MACROD1: variants seen among roughly 807,000 people sequenced by gnomAD.
MACROD1 encodes the protein mono-ADP ribosylhydrolase 1.
Under a neutral mutation model 41.4 loss-of-function variants are expected in MACROD1, and 31 were observed. The ratio of observed to expected loss-of-function variants is 0.75; its 90% CI spans 0.56 to 1.01. The LOEUF is 1.01. Among genes scored for constraint, MACROD1 ranks in the 50% least tolerant of loss-of-function variants. MACROD1 has a pLI of 0.00. For synonymous variants in MACROD1, 252 were observed against 203.4 expected, an observed-to-expected ratio of 1.24 and a Z score of -2.03; for missense variants, 473 against 460.0, an observed-to-expected ratio of 1.03 and a Z score of -0.26.
chr11:64,006,007 T>C (rs1942904826), intron 4 of MACROD1, among the ~76,000 whole-genome samples: 1 of 152,158 alleles, frequency 6.6e-6, no homozygotes, highest in African/African-American at 2.4e-5. Context: ...GGTTTCCCTC[T>C]CTGGAGGAGG....
At chr11:64,035,613 G>A (rs1943358949) in intron 3 of MACROD1, among the ~76,000 whole-genome samples, 4 of 128,998 alleles carry the variant, frequency 3.1e-5, no homozygotes, top group Admixed American at 2.3e-4. Flanking sequence ...GGGGGAGGGG[G>A]GCGCGGAGGC....
At chr11:64,000,536 A>T (rs1388399025) in intron 4 of MACROD1, among the ~76,000 whole-genome samples, 193 bp from the exon 5 acceptor site, 1 of 146,938 alleles carries the variant, frequency 6.8e-6, no homozygotes, top group Admixed American at 6.7e-5. Flanking sequence ...ACCGAGGCGC[A>T]GAGCGGGACG....
At chr11:64,135,528 C>G (rs1002195324) in intron 3 of MACROD1, among the ~76,000 whole-genome samples, 1 of 152,232 alleles carries the variant, frequency 6.6e-6, no homozygotes, top group Non-Finnish European at 1.5e-5. Context: ...ATTTTATTTT[C>G]CCTCCAGAGC....
intron 1 of MACROD1, among the ~76,000 whole-genome samples, chr11:64,162,955 C>T (rs1945779047): frequency 6.6e-6 from 1 of 152,036 alleles, no homozygotes; most frequent in African/African-American, 2.4e-5. Context: ...CCTATCTCCA[C>T]CAAAAACACA....
rs1240891060 is a variant in MACROD1 at position 64,090,374 on chromosome 11, A to T, written c.517+60865T>A. ...AAGCCACAAATAAGTAAACTCAGGC[A>T]GCAGGGCACAATTACTGAGCCTGGT... On this transcript the variant is annotated intron_variant, in intron 3 of 10. Coordinates refer to ENST00000255681, the MANE Select transcript of MACROD1 (RefSeq NM_014067.4). The surrounding 1 kb of genome is among the most constrained non-coding windows in gnomAD (Gnocchi z 4.7). Among the ~76,000 whole-genome samples the T allele has an allele frequency of 6.6e-6, 1 of 152,258 alleles. No homozygotes were observed. The highest frequency in any genetic ancestry group is 1.5e-5 in the Non-Finnish European group (1 of 68,044).
intron 3 of MACROD1, among the ~76,000 whole-genome samples, chr11:64,137,954 A>T (rs1380606685): frequency 6.6e-6 from 1 of 152,240 alleles, no homozygotes; most frequent in Non-Finnish European, 1.5e-5. Context: ...TTTTTTAAAA[A>T]ATTAATGCCA....
At chr11:64,041,199 TAAAAAAAAAAAAAA>T (rs71045724) in intron 3 of MACROD1, among the ~76,000 whole-genome samples, 15 of 21,606 alleles carry the variant, frequency 6.9e-4, no homozygotes, top group African/African-American at 2.1e-3. Flanking sequence ...TAGCAAACTG[TAAAAAAAAAAAAAA>T]AAAAAAAAAA....
intron 3 of MACROD1, among the ~76,000 whole-genome samples, chr11:64,094,970 G>T (rs893024284): frequency 3.3e-5 from 5 of 152,220 alleles, no homozygotes; most frequent in African/African-American, 1.2e-4. Context: ...GAAAGTACTA[G>T]GGGCCTCGTT....
chr11:64,069,607 C>T (rs1407760286), intron 3 of MACROD1, among the ~76,000 whole-genome samples: 1 of 152,008 alleles, frequency 6.6e-6, no homozygotes, highest in Non-Finnish European at 1.5e-5. Flanking sequence ...GGGGCCAGGG[C>T]TGCTGATGCC....
chr11:64,023,871 C>G (rs532393778), intron 3 of MACROD1, among the ~76,000 whole-genome samples: 40 of 152,202 alleles, frequency 2.6e-4, no homozygotes, highest in Non-Finnish European at 5.9e-4. Flanking sequence ...TCACAGTTCA[C>G]TGTTTGAAAT....
chr11:64,088,767 G>A (rs547334770), intron 3 of MACROD1, among the ~76,000 whole-genome samples: 16 of 152,302 alleles, frequency 1.1e-4, no homozygotes, highest in African/African-American at 3.6e-4. Flanking sequence ...AACGACAGCA[G>A]ACAGTAAGAG....
At chr11:64,060,937 C>CGCGGCGGCG (rs544654619) in intron 3 of MACROD1, among the ~76,000 whole-genome samples, 6 of 151,322 alleles carry the variant, frequency 4.0e-5, no homozygotes, top group South Asian at 2.1e-4. Context: ...GCATGCGCAC[C>CGCGGCGGCG]GCGGCGGCGG....
At chr11:64,059,379 C>G (rs947285530) in intron 3 of MACROD1, among the ~76,000 whole-genome samples, 4 of 152,176 alleles carry the variant, frequency 2.6e-5, no homozygotes, top group Non-Finnish European at 4.4e-5. Context: ...CGCAGCCCAG[C>G]AGGCTGCCCT....
At chr11:64,118,305 C>A in intron 3 of MACROD1, 1 of 1,537,358 alleles carries the variant, frequency 6.5e-7, no homozygotes. Context: ...CCCGCCCACC[C>A]GGGCTGCCCC....
chr11:64,002,399 A>T (rs1468764832), intron 4 of MACROD1, among the ~76,000 whole-genome samples: 1 of 152,134 alleles, frequency 6.6e-6, no homozygotes, highest in African/African-American at 2.4e-5. Context: ...AGGGAGGTGG[A>T]GGGAGCTGGA....
At chr11:64,157,947 G>A (rs988145216) in intron 1 of MACROD1, among the ~76,000 whole-genome samples, 10 of 152,158 alleles carry the variant, frequency 6.6e-5, no homozygotes, top group Admixed American at 4.6e-4. Context: ...AAAGGGAGAC[G>A]GAGCACGCAG....
In MACROD1 at chr11:64,120,559, G is replaced by A. The variant is rs1286856275; in HGVS notation, c.517+30680C>T. On this transcript the variant is annotated intron_variant, in intron 3 of 10. Transcript: ENST00000255681. The surrounding 1 kb of genome is among the most constrained non-coding windows in gnomAD (Gnocchi z 4.5). ...AAATTAGCCAGGCATGGTGGCAGGCGCCTGTTACCTGGCTACTCGGGAGGC... is the reference window on the plus strand; with the variant it reads ...AAATTAGCCAGGCATGGTGGCAGGCACCTGTTACCTGGCTACTCGGGAGGC... 1.3e-5 allele frequency among the ~76,000 whole-genome samples: 2 copies of A among 152,078 alleles called. No individual in the cohort carries two copies. Among genetic ancestry groups the A allele is most frequent in the South Asian group, 2.1e-4 (1 of 4,822 alleles).
chr11:64,041,392 C>A (rs1461229808), intron 3 of MACROD1, among the ~76,000 whole-genome samples: 1 of 151,818 alleles, frequency 6.6e-6, no homozygotes, highest in African/African-American at 2.4e-5. Context: ...AAAATGTCCT[C>A]AAAAATGCTG....
intron 3 of MACROD1, among the ~76,000 whole-genome samples, chr11:64,046,786 G>A (rs1239364372): frequency 2.6e-5 from 4 of 152,132 alleles, no homozygotes; most frequent in African/African-American, 4.8e-5. Context: ...GGCGTGAGCC[G>A]CTGCGCCTGG....
Sources: allele counts gnomAD v4.1 joint callset (sites outside exome capture counted in the v4.1 genomes callset), GRCh38; gene constraint gnomAD v4.1.1; non-coding constraint Gnocchi (gnomAD v3.1); transcripts MANE v1.5; gene names NCBI Gene and HGNC (gene_info 2026-07-23, HGNC 2026-07-21).